The following TBPL1 variants were observed in gnomAD, a reference collection of about 807,000 sequenced individuals.
The protein encoded by TBPL1 is TATA box-binding protein-like 1.
In TBPL1, 4 loss-of-function variants were observed where a neutral mutation model predicts 22.1. That is an observed-to-expected ratio of 0.18 (90% CI 0.09 to 0.41). TBPL1 has a LOEUF of 0.41. TBPL1 is among the 10% of genes least tolerant of loss of function. The probability of loss-of-function intolerance (pLI) is 1.00; values close to 1 mark genes in which losing one functional copy is unlikely to be tolerated. For synonymous variants in TBPL1, 64 were observed against 71.0 expected (o/e 0.90, Z 0.50); for missense variants, 115 against 222.3 (o/e 0.52, Z 3.07).
At chr6:133,977,752 G>A (rs759728358) in intron 1 of TBPL1, among the ~76,000 whole-genome samples, 1 of 151,116 alleles carries the variant, frequency 6.6e-6, no homozygotes, top group Non-Finnish European at 1.5e-5. Flanking sequence ...AGAAGAACAG[G>A]GATAATAAGG....
rs1402090011 is a variant in TBPL1, at chr6:133,987,965, C to G, written c.*925C>G. ...TTGGACCTTTGTTTTTCTGGAAAGACTCAACACCTGTAGTTGTAGAGAAGT... is the reference window on the plus strand; with the variant it reads ...TTGGACCTTTGTTTTTCTGGAAAGAGTCAACACCTGTAGTTGTAGAGAAGT... On this transcript the variant is annotated 3_prime_UTR_variant, in exon 7 of 7. Coordinates refer to ENST00000237264, the MANE Select transcript of TBPL1 (RefSeq NM_004865.4). The G allele has an allele frequency of 1.3e-5, 2 of 152,078 alleles. No individual in the cohort carries two copies. The highest frequency in any genetic ancestry group is 4.8e-5 in the African/African-American group (2 of 41,400). 9.4% of individuals were successfully genotyped at this position (152,078 alleles called of 1,614,324 possible).
intron 1 of TBPL1, among the ~76,000 whole-genome samples, chr6:133,961,336 C>A (rs1330914224): frequency 6.6e-6 from 1 of 152,136 alleles, no homozygotes; most frequent in Admixed American, 6.6e-5. Context: ...GTCTGCAGTT[C>A]AGTAGACACT....
In TBPL1 at chr6:133,987,648, G is replaced by GTGTATATATATATATATA. The variant is rs200249148; in HGVS notation, c.*609_*610insGTATATATATATATATAT. 5.0e-4 allele frequency: 44 copies of GTGTATATATATATATATA among 88,396 alleles called. No homozygotes were observed. Among genetic ancestry groups the GTGTATATATATATATATA allele is most frequent in the African/African-American group, 1.5e-3 (41 of 27,578 alleles). The allele number at this position is 88,396 out of a possible 1,614,324, so 5.5% of individuals were successfully genotyped here. On this transcript the variant is annotated 3_prime_UTR_variant, in exon 7 of 7. Coordinates refer to ENST00000237264, the MANE Select transcript of TBPL1 (RefSeq NM_004865.4). ...TTTGTGTGTGTGTGTGTGTGTGTGTGTATATATATATATATATATGCACCA... is the reference window on the plus strand; with the variant it reads ...TTTGTGTGTGTGTGTGTGTGTGTGTGTGTATATATATATATATATATATATATATATATATATGCACCA...
chr6:133,961,826 T>C (rs945899669), intron 1 of TBPL1, among the ~76,000 whole-genome samples: 3 of 152,316 alleles, frequency 2.0e-5, no homozygotes, highest in African/African-American at 7.2e-5. Context: ...GCTCCTGAAG[T>C]TTCTCTTTCA....
At chr6:133,955,871 A>G (rs922438641) in intron 1 of TBPL1, among the ~76,000 whole-genome samples, 2 of 152,260 alleles carry the variant, frequency 1.3e-5, no homozygotes, top group Non-Finnish European at 2.9e-5. Flanking sequence ...TAATTTCCCC[A>G]AGTTATTCTT....
At chr6:133,982,348 T>C (rs1776430983) in intron 2 of TBPL1, among the ~76,000 whole-genome samples, 1 of 152,248 alleles carries the variant, frequency 6.6e-6, no homozygotes, top group East Asian at 1.9e-4. Context: ...GAGAGATTTC[T>C]ATACACCTTG....
At chr6:133,962,531 A>G (rs553406182) in intron 1 of TBPL1, among the ~76,000 whole-genome samples, 34 of 152,348 alleles carry the variant, frequency 2.2e-4, no homozygotes, top group Middle Eastern at 3.4e-3. Flanking sequence ...ACAGAATTAC[A>G]AGGAGATAGA....
At chr6:133,966,061 TCAG>T in intron 1 of TBPL1, among the ~76,000 whole-genome samples, 1 of 152,266 alleles carries the variant, frequency 6.6e-6, no homozygotes, top group East Asian at 1.9e-4. Flanking sequence ...CTCTTCAACT[TCAG>T]AGACAGAGAG....
chr6:133,979,021 G>A (rs1776363432), intron 1 of TBPL1, among the ~76,000 whole-genome samples: 1 of 152,118 alleles, frequency 6.6e-6, no homozygotes, highest in African/African-American at 2.4e-5. Flanking sequence ...CATGAGTCAC[G>A]TACTTAGTAA....
At position 133,979,553 on chromosome 6, in the gene TBPL1, T is replaced by C. The variant is rs186059406; in HGVS notation, c.-44-529T>C. Among the ~76,000 whole-genome samples, 7 of 152,304 alleles carry C rather than the reference T, an allele frequency of 4.6e-5. No homozygotes were observed. In the East Asian group the frequency reaches 1.3e-3, roughly 29 times the overall value. On this transcript the variant is annotated intron_variant, in intron 1 of 6. Coordinates refer to ENST00000237264, the MANE Select transcript of TBPL1 (RefSeq NM_004865.4). ...GTCAAGTAAAAGTTACTTTTTAGTT[T>C]AAGGAATGAAAGTTAGGCCTAGATT...
At chr6:133,962,494 G>A (rs1457449265) in intron 1 of TBPL1, among the ~76,000 whole-genome samples, 3 of 152,230 alleles carry the variant, frequency 2.0e-5, no homozygotes, top group Non-Finnish European at 2.9e-5. Context: ...TGAAGTGAGC[G>A]AGTGTTAATT....
At chr6:133,970,912 G>C (rs1346147055) in intron 1 of TBPL1, among the ~76,000 whole-genome samples, 5 of 152,144 alleles carry the variant, frequency 3.3e-5, no homozygotes, top group African/African-American at 1.2e-4. Context: ...TAGGGCATCT[G>C]TCACCTCATG....
chr6:133,974,260 C>G (rs1776274794), intron 1 of TBPL1, among the ~76,000 whole-genome samples: 1 of 152,124 alleles, frequency 6.6e-6, no homozygotes, highest in Admixed American at 6.6e-5. Context: ...TAACTAGTTC[C>G]TTTTCATTGG....
rs1776475196 is a variant in TBPL1 at position 133,984,577 on chromosome 6, T to C, written c.387T>C (p.Ser129=). 2 of 1,613,044 alleles carry C rather than the reference T, an allele frequency of 1.2e-6. No individual in the cohort carries two copies. Among genetic ancestry groups the C allele is most frequent in the East Asian group, 2.2e-5 (1 of 44,810 alleles). The change falls in exon 6 of 7, where the codon AGT becomes AGC. Residue 129 remains serine (S), a splice_region_variant and synonymous_variant. Transcript: ENST00000237264. ...EFTKNNRPHA[S]YEPELHPAVC... ...ATTAATTGTGGCTTATTTTGTGTAG[T>C]TACGAACCTGAACTTCATCCTGCTG...
At chr6:133,981,563 G>GT (rs1231543156) in intron 2 of TBPL1, among the ~76,000 whole-genome samples, 6 of 152,172 alleles carry the variant, frequency 3.9e-5, no homozygotes, top group African/African-American at 1.4e-4. Flanking sequence ...ACTCAGTCAA[G>GT]TGTTTCTCAG....
chr6:133,962,825 T>C (rs1164442514), intron 1 of TBPL1, among the ~76,000 whole-genome samples: 2 of 152,078 alleles, frequency 1.3e-5, no homozygotes, highest in Non-Finnish European at 1.5e-5. Flanking sequence ...TTTCAGGGGG[T>C]TCCTAACCTG....
intron 2 of TBPL1, among the ~76,000 whole-genome samples, chr6:133,981,939 C>T (rs1046584925): frequency 3.9e-5 from 6 of 152,188 alleles, no homozygotes; most frequent in African/African-American, 1.4e-4. Context: ...AATTACATCT[C>T]CAGCTCCAAC....
chr6:133,972,851 T>A (rs1332612695), intron 1 of TBPL1, among the ~76,000 whole-genome samples: 1 of 152,174 alleles, frequency 6.6e-6, no homozygotes, highest in Non-Finnish European at 1.5e-5. Flanking sequence ...TTGGCATGGA[T>A]AATAATATTT....
rs1382450964 is a variant in TBPL1, at chr6:133,989,473, T to TATA, written c.*2434_*2436dup. On this transcript the variant is annotated 3_prime_UTR_variant, in exon 7 of 7. Coordinates refer to ENST00000237264, the MANE Select transcript of TBPL1 (RefSeq NM_004865.4). ...GGCTAAACAAAAAATACCTGAAGTA[T>TATA]ATATAGAGTTTGAACTATAAACACG... is the stretch of plus-strand genomic sequence containing the variant. 6.6e-6 allele frequency: 1 copy of TATA among 152,166 alleles called. No homozygotes were observed. The highest frequency in any genetic ancestry group is 1.5e-5 in the Non-Finnish European group (1 of 68,034). 9.4% of individuals were successfully genotyped at this position (152,166 alleles called of 1,614,324 possible).
Sources: allele counts gnomAD v4.1 joint callset (sites outside exome capture counted in the v4.1 genomes callset), GRCh38; gene constraint gnomAD v4.1.1; transcripts MANE v1.5; gene names NCBI Gene and HGNC (gene_info 2026-07-23, HGNC 2026-07-21).